TEX2: variants seen among roughly 807,000 people sequenced by gnomAD.
TEX2 encodes testis-expressed protein 2.
A neutral mutation model predicts 106.9 loss-of-function variants in TEX2; 53 were observed. The observed-to-expected ratio is 0.50, with a 90% CI of 0.40 to 0.62. The LOEUF (loss-of-function observed/expected upper bound fraction) is 0.62. Among genes scored for constraint, TEX2 ranks in the 20% least tolerant of loss-of-function variants. TEX2 has a pLI of 0.00. For missense variants in TEX2, 1,207 were observed against 1,379.0 expected, an observed-to-expected ratio of 0.88 and a Z score of 1.98; for synonymous variants, 523 against 534.8, an observed-to-expected ratio of 0.98 and a Z score of 0.30.
chr17:64,215,510 G>C (rs922723252), intron 1 of TEX2, among the ~76,000 whole-genome samples: 4 of 152,148 alleles, frequency 2.6e-5, no homozygotes, highest in Admixed American at 2.6e-4. Flanking sequence ...GGAGGCCATT[G>C]AGACAAAAGG....
intron 1 of TEX2, among the ~76,000 whole-genome samples, chr17:64,261,867 CAG>C (rs1477352533): frequency 6.6e-6 from 1 of 152,212 alleles, no homozygotes; most frequent in Non-Finnish European, 1.5e-5. Flanking sequence ...TAAGAGCTAA[CAG>C]AAATGGCAGT....
At chr17:64,225,432 T>C (rs1245068617) in intron 1 of TEX2, among the ~76,000 whole-genome samples, 2 of 152,130 alleles carry the variant, frequency 1.3e-5, no homozygotes, top group Non-Finnish European at 2.9e-5. Flanking sequence ...GGAAAGAATA[T>C]TAATATTTGA....
intron 7 of TEX2, among the ~76,000 whole-genome samples, 175 bp downstream of exon 7, chr17:64,170,925 A>G (rs1007824469): frequency 6.6e-6 from 1 of 152,098 alleles, no homozygotes; most frequent in Non-Finnish European, 1.5e-5. Flanking sequence ...GTAAGCCACC[A>G]TGCCCGGCCC....
chr17:64,213,785 C>T lies in TEX2; in HGVS notation c.433G>A (p.Ala145Thr). ...SPGSSSSGPL[A>T]SSPSVSSLSE... ...AGGGATGACACACTGGGAGAGCTAG[C>T]TAAGGGCCCCGACGAAGACGACCCT... Residue 145 changes from alanine (A) to threonine (T), a missense_variant, in exon 2 of 12, where the codon GCT (alanine) becomes ACT (threonine). This residue lies in a region of TEX2 where 1,067 missense variants were observed against 1,193.6 expected (regional missense o/e 0.89). Coordinates refer to ENST00000584379, the MANE Select transcript of TEX2 (RefSeq NM_001288732.2). The surrounding 1 kb of genome is among the most constrained non-coding windows in gnomAD (Gnocchi z 4.4). The T allele has an allele frequency of 6.2e-7, 1 of 1,614,180 alleles. No individual in the cohort carries two copies. The highest frequency in any genetic ancestry group is 8.5e-7 in the Non-Finnish European group (1 of 1,180,030).
At chr17:64,247,245 G>T (rs2034005697) in intron 1 of TEX2, among the ~76,000 whole-genome samples, 2 of 151,142 alleles carry the variant, frequency 1.3e-5, no homozygotes, top group Non-Finnish European at 2.9e-5. Flanking sequence ...CTCTAGCCTG[G>T]GTGACAGAGT....
At chr17:64,251,560 C>T (rs2143481506) in intron 1 of TEX2, among the ~76,000 whole-genome samples, 1 of 152,248 alleles carries the variant, frequency 6.6e-6, no homozygotes, top group Non-Finnish European at 1.5e-5. Flanking sequence ...CTTCGATTTC[C>T]TATTCGTAAC....
chr17:64,241,132 G>A (rs2033880113), intron 1 of TEX2, among the ~76,000 whole-genome samples: 1 of 152,194 alleles, frequency 6.6e-6, no homozygotes, highest in Non-Finnish European at 1.5e-5. Flanking sequence ...CAAATCCAGG[G>A]AAAGCATTTG....
intron 7 of TEX2, among the ~76,000 whole-genome samples, chr17:64,170,459 G>A (rs1400388271): frequency 6.6e-6 from 1 of 152,064 alleles, no homozygotes; most frequent in Non-Finnish European, 1.5e-5. Flanking sequence ...AGAGGTGAGC[G>A]GAACTGAAAT....
intron 7 of TEX2, among the ~76,000 whole-genome samples, chr17:64,163,188 G>A (rs918352927): frequency 1.3e-5 from 2 of 152,248 alleles, no homozygotes; most frequent in South Asian, 2.1e-4. Context: ...CACCTGGTAC[G>A]ATCTTGGCTG....
intron 4 of TEX2, among the ~76,000 whole-genome samples, chr17:64,191,550 C>T (rs199676636): frequency 1.3e-5 from 2 of 152,202 alleles, no homozygotes; most frequent in East Asian, 3.8e-4. Flanking sequence ...GGCACAGTGG[C>T]TCACGCCTGT....
At chr17:64,214,355 C>T in intron 1 of TEX2, 113 bp from the exon 2 acceptor site, 2 of 869,560 alleles carry the variant, frequency 2.3e-6, no homozygotes, top group Non-Finnish European at 3.5e-6. Context: ...TATGCTTTTA[C>T]TTGGCAGATG....
chr17:64,254,212 A>G (rs2034143735), intron 1 of TEX2, among the ~76,000 whole-genome samples: 1 of 151,944 alleles, frequency 6.6e-6, no homozygotes, highest in African/African-American at 2.4e-5. Context: ...TCAAATCAAA[A>G]CTCCCCAGGT....
intron 5 of TEX2, among the ~76,000 whole-genome samples, chr17:64,183,407 C>T (rs755903135): frequency 2.0e-5 from 3 of 152,016 alleles, no homozygotes; most frequent in Non-Finnish European, 4.4e-5. Context: ...CTGCCAGCAA[C>T]GTATGAGGAC....
chr17:64,256,861 A>G (rs79973311), intron 1 of TEX2, among the ~76,000 whole-genome samples: 77 of 152,318 alleles, frequency 5.1e-4, no homozygotes, highest in African/African-American at 1.8e-3. Context: ...AATAAATATA[A>G]CCATCTATAA....
At chr17:64,181,674 C>G (rs1034432847) in intron 5 of TEX2, among the ~76,000 whole-genome samples, 2 of 151,836 alleles carry the variant, frequency 1.3e-5, no homozygotes, top group Non-Finnish European at 2.9e-5. Context: ...ACCACCACGC[C>G]TGGCTAATTT....
chr17:64,241,941 A>AT (rs1862844870), intron 1 of TEX2, among the ~76,000 whole-genome samples: 1 of 152,098 alleles, frequency 6.6e-6, no homozygotes, highest in South Asian at 2.1e-4. Context: ...CTCTCTCTTT[A>AT]TTTTTGAGAA....
intron 8 of TEX2, chr17:64,155,934 G>A (rs998307029): frequency 6.6e-6 from 1 of 152,178 alleles, no homozygotes; most frequent in South Asian, 2.1e-4. Flanking sequence ...GGGACAAAAT[G>A]AACAAGGGAC....
chr17:64,213,280 C>T lies in TEX2; in HGVS notation c.938G>A (p.Ser313Asn). 1 of 1,614,180 alleles carries T rather than the reference C, an allele frequency of 6.2e-7. No homozygotes were observed. Reference sequence around the variant, plus strand: ...TAAGGCTTTGGGCCTATGGCTGCCACTTTCTTCCCCTATAATTTTACTAAG... The same window carrying T: ...TAAGGCTTTGGGCCTATGGCTGCCATTTTCTTCCCCTATAATTTTACTAAG... ...QLLSKIIGEE[S>N]GSHRPKALSS... is the part of the protein sequence containing the mutation. The change falls in exon 2 of 12, where the codon AGT (serine) becomes AAT (asparagine). Residue 313 changes from serine to asparagine, a missense_variant. By Grantham distance (46) the Ser-to-Asn change is conservative. Coordinates refer to ENST00000584379, the MANE Select transcript of TEX2 (RefSeq NM_001288732.2). The surrounding 1 kb of genome is among the most constrained non-coding windows in gnomAD (Gnocchi z 4.4).
intron 1 of TEX2, among the ~76,000 whole-genome samples, chr17:64,220,973 T>C (rs2033343245): frequency 6.6e-6 from 1 of 152,134 alleles, no homozygotes; most frequent in Non-Finnish European, 1.5e-5. Flanking sequence ...AATGATAGAC[T>C]GGACTAAAAA....
Sources: gnomAD v4.1 joint callset for allele counts (sites outside exome capture counted in the v4.1 genomes callset) on GRCh38, gnomAD v4.1.1 for gene constraint, gnomAD v4.1.1 regional missense constraint, Gnocchi (gnomAD v3.1) non-coding constraint, MANE v1.5 for transcripts, NCBI Gene and HGNC (gene_info 2026-07-23, HGNC 2026-07-21) for gene names.